NREP: variants seen among roughly 807,000 people sequenced by gnomAD.
The protein encoded by NREP is neuronal regeneration-related protein.
In NREP, 5 loss-of-function variants were observed where a neutral mutation model predicts 8.6. That is an observed-to-expected ratio of 0.58 (90% CI 0.30 to 1.22). The LOEUF (loss-of-function observed/expected upper bound fraction) is 1.22. Ranked by LOEUF, NREP falls within the 50% of genes most tolerant of loss-of-function variation. NREP has a pLI of 0.07. For missense variants in NREP, 86 were observed against 82.5 expected (o/e 1.04, Z -0.17); for synonymous variants, 27 against 28.0 (o/e 0.96, Z 0.11).
intron 2 of NREP, among the ~76,000 whole-genome samples, chr5:111,925,934 G>T (rs1286530484): frequency 6.6e-6 from 1 of 152,058 alleles, no homozygotes; most frequent in Non-Finnish European, 1.5e-5. Context: ...TTTTTGGTCT[G>T]CTATAAGAAA....
At chr5:111,884,591 C>A (rs1191138296) in intron 2 of NREP, among the ~76,000 whole-genome samples, 1 of 146,048 alleles carries the variant, frequency 6.8e-6, no homozygotes, top group Non-Finnish European at 1.6e-5. Flanking sequence ...TACTGGCAAA[C>A]CGAATCCAGC....
intron 2 of NREP, among the ~76,000 whole-genome samples, chr5:111,802,809 G>T (rs549578467): frequency 3.8e-4 from 58 of 152,314 alleles, no homozygotes; most frequent in South Asian, 1.2e-3. Context: ...ATCTGAAGAT[G>T]CAAAACAGCC....
At chr5:111,857,315 A>C (rs930555039) in intron 2 of NREP, among the ~76,000 whole-genome samples, 4 of 152,190 alleles carry the variant, frequency 2.6e-5, no homozygotes, top group Admixed American at 2.6e-4. Flanking sequence ...TACGGGCTTT[A>C]CTGTGAGCAC....
rs537549307 is a variant in NREP at position 111,810,757 on chromosome 5, G to T, written c.136-75250C>A. Among the ~76,000 whole-genome samples, 3 of 152,252 alleles carry T rather than the reference G, an allele frequency of 2.0e-5. No individual in the cohort carries two copies. The East Asian group carries it at 5.8e-4, about 29-fold the overall frequency. ...GAGCATCTTGCTTTGCTAAAAAATG[G>T]TTTCCCTATTAAGTTTCATACATAC... On this transcript the variant is annotated intron_variant, in intron 2 of 3. Transcript: ENST00000395634.
intron 2 of NREP, among the ~76,000 whole-genome samples, chr5:111,935,197 G>A (rs1755649392): frequency 6.6e-6 from 1 of 152,094 alleles, no homozygotes; most frequent in South Asian, 2.1e-4. Context: ...GATCACATGG[G>A]AGGGAGGTGA....
intron 2 of NREP, among the ~76,000 whole-genome samples, chr5:111,769,805 T>A (rs898829864): frequency 1.1e-4 from 17 of 152,116 alleles, no homozygotes; most frequent in African/African-American, 3.9e-4. Flanking sequence ...TCACTTAATA[T>A]CATGAGAACA....
rs992290777 is a variant in NREP at position 111,821,856 on chromosome 5, A to G, written c.136-86349T>C. 2.6e-4 allele frequency among the ~76,000 whole-genome samples: 39 copies of G among 152,276 alleles called. 1 individual carries two copies. The highest frequency in any genetic ancestry group is 9.4e-4 in the African/African-American group (39 of 41,560). ...GAAGAACTCAGAAGAGGGTATTTAT[A>G]GGAGAAGAAATATTTATGTATTTTT... is the stretch of plus-strand genomic sequence containing the variant. On this transcript the variant is annotated intron_variant, in intron 2 of 3. Coordinates refer to the NREP transcript ENST00000395634.
At chr5:111,901,960 C>A (rs978463173) in intron 2 of NREP, among the ~76,000 whole-genome samples, 1 of 151,930 alleles carries the variant, frequency 6.6e-6, no homozygotes, top group African/African-American at 2.4e-5. Flanking sequence ...TCTAAAATTC[C>A]TATGGAACCA....
At chr5:111,944,472 T>A (rs1755921065) in intron 2 of NREP, among the ~76,000 whole-genome samples, 1 of 152,040 alleles carries the variant, frequency 6.6e-6, no homozygotes, top group Non-Finnish European at 1.5e-5. Flanking sequence ...CATGCCTGAA[T>A]AATTTTTGTA....
chr5:111,785,493 T>C (rs1477186629), intron 2 of NREP, among the ~76,000 whole-genome samples: 1 of 152,140 alleles, frequency 6.6e-6, no homozygotes, highest in Non-Finnish European at 1.5e-5. Flanking sequence ...TTAGCCAGGA[T>C]GGTCTTGATC....
At chr5:111,783,744 C>T (rs1391202686) in intron 2 of NREP, among the ~76,000 whole-genome samples, 1 of 152,114 alleles carries the variant, frequency 6.6e-6, no homozygotes, top group Non-Finnish European at 1.5e-5. Flanking sequence ...AATATAACCT[C>T]CTGAGAAATT....
In NREP at chr5:111,886,978, TA is replaced by T. The variant is rs1423034691; in HGVS notation, c.135+88295del. On this transcript the variant is annotated intron_variant, in intron 2 of 3. Transcript: ENST00000395634. ...CCTAAAACTTAAAGTAGATTAATAATAAAATAAAAAATAGAAAAAATAAAAA... is the reference window on the plus strand; with the variant it reads ...CCTAAAACTTAAAGTAGATTAATAATAAATAAAAAATAGAAAAAATAAAAA... 2.0e-5 allele frequency among the ~76,000 whole-genome samples: 3 copies of T among 149,566 alleles called. No homozygotes were observed. The East Asian group carries it at 5.9e-4, about 29-fold the overall frequency.
chr5:111,805,002 A>G (rs1362553489), intron 2 of NREP, among the ~76,000 whole-genome samples: 1 of 151,834 alleles, frequency 6.6e-6, no homozygotes, highest in Non-Finnish European at 1.5e-5. Context: ...CTCCGTCTCA[A>G]CAACAACAAC....
chr5:111,863,640 G>T (rs1031313460), intron 2 of NREP, among the ~76,000 whole-genome samples: 3 of 152,046 alleles, frequency 2.0e-5, no homozygotes, highest in African/African-American at 7.2e-5. Flanking sequence ...AAAGAGAAAA[G>T]CTATGAGAGT....
chr5:111,882,049 T>A (rs902871390), intron 2 of NREP, among the ~76,000 whole-genome samples: 1 of 152,100 alleles, frequency 6.6e-6, no homozygotes, highest in African/African-American at 2.4e-5. Flanking sequence ...AGGAGGAAAT[T>A]CAAACCAAAG....
chr5:111,964,735 A>G (rs1450307580), intron 2 of NREP, among the ~76,000 whole-genome samples: 1 of 151,830 alleles, frequency 6.6e-6, no homozygotes, highest in Non-Finnish European at 1.5e-5. Context: ...TATTATGAAC[A>G]TTCTTAAACA....
At chr5:111,886,499 G>A (rs1445093733) in intron 2 of NREP, among the ~76,000 whole-genome samples, 1 of 151,962 alleles carries the variant, frequency 6.6e-6, no homozygotes, top group Non-Finnish European at 1.5e-5. Flanking sequence ...TATAAATCAT[G>A]CTGCTATAAA....
intron 2 of NREP, among the ~76,000 whole-genome samples, chr5:111,914,917 C>G (rs1036787607): frequency 4.6e-5 from 7 of 152,072 alleles, no homozygotes. Flanking sequence ...CCATTTTTAT[C>G]AAAATCTTGC....
At chr5:111,873,695 C>T (rs993745683) in intron 2 of NREP, among the ~76,000 whole-genome samples, 2 of 152,148 alleles carry the variant, frequency 1.3e-5, no homozygotes, top group Non-Finnish European at 2.9e-5. Flanking sequence ...TGGGCCTACC[C>T]AAATAATCCA....
Sources: gnomAD v4.1 joint callset for allele counts (sites outside exome capture counted in the v4.1 genomes callset) on GRCh38, gnomAD v4.1.1 for gene constraint, MANE v1.5 for transcripts, NCBI Gene and HGNC (gene_info 2026-07-23, HGNC 2026-07-21) for gene names.